Variants in LUZP2 observed in about 807,000 individuals in gnomAD.
LUZP2 encodes leucine zipper protein 2.
Under a neutral mutation model 51.6 loss-of-function variants are expected in LUZP2, and 52 were observed. That is an observed-to-expected ratio of 1.01 (90% CI 0.81 to 1.27). The LOEUF (loss-of-function observed/expected upper bound fraction) is 1.27, where lower values mean the gene tolerates loss of function less well. LUZP2 is among the 50% of genes most tolerant of loss of function. The probability of loss-of-function intolerance (pLI) is 0.00; values close to 1 mark genes in which losing one functional copy is unlikely to be tolerated. For synonymous variants in LUZP2, 154 were observed against 137.3 expected (o/e 1.12, Z -0.85); for missense variants, 436 against 395.4 (o/e 1.10, Z -0.87).
chr11:24,880,814 A>G (rs922066949), intron 5 of LUZP2, among the ~76,000 whole-genome samples: 1 of 151,966 alleles, frequency 6.6e-6, no homozygotes, highest in Non-Finnish European at 1.5e-5. Context: ...GTTTTACCCA[A>G]TGCTAGACAC....
chr11:24,528,469 T>C (rs1850889254), intron 1 of LUZP2, among the ~76,000 whole-genome samples: 1 of 151,372 alleles, frequency 6.6e-6, no homozygotes, highest in African/African-American at 2.4e-5. Context: ...CTTTTTAAAA[T>C]GGTGATTCTC....
At position 25,050,135 on chromosome 11, in the gene LUZP2, GA is replaced by G; in HGVS notation, c.858+10del. 6.4e-7 allele frequency: 1 copy of G among 1,571,702 alleles called. No individual in the cohort carries two copies. Among genetic ancestry groups the G allele is most frequent in the South Asian group, 1.2e-5 (1 of 86,066 alleles). Reference sequence around the variant, plus strand: ...ACTGCCTGTGACTCTCAAGATGTAAGAAAAACTTAAGATGCTTTTTACAGTA... The same window carrying G: ...ACTGCCTGTGACTCTCAAGATGTAAGAAAACTTAAGATGCTTTTTACAGTA... On this transcript the variant is annotated splice_donor_region_variant and intron_variant, in intron 10 of 11. Coordinates refer to ENST00000336930, the MANE Select transcript of LUZP2 (RefSeq NM_001009909.4).
intron 4 of LUZP2, among the ~76,000 whole-genome samples, chr11:24,745,278 T>C (rs1859336136): frequency 6.6e-6 from 1 of 152,194 alleles, no homozygotes; most frequent in Non-Finnish European, 1.5e-5. Context: ...CGTTCTGTCT[T>C]GACCTTTCTA....
intron 7 of LUZP2, among the ~76,000 whole-genome samples, chr11:24,953,228 G>A (rs2133866358): frequency 6.6e-6 from 1 of 152,038 alleles, no homozygotes; most frequent in East Asian, 1.9e-4. Context: ...TAAGCATCTA[G>A]TGCAGCTGCT....
chr11:24,600,986 CA>C (rs1853615105), intron 1 of LUZP2, among the ~76,000 whole-genome samples: 1 of 152,038 alleles, frequency 6.6e-6, no homozygotes, highest in Non-Finnish European at 1.5e-5. Flanking sequence ...CTAATCAGTT[CA>C]GTTTAAAAGA....
chr11:24,845,634 G>A (rs1237863394), intron 5 of LUZP2, among the ~76,000 whole-genome samples: 4 of 152,070 alleles, frequency 2.6e-5, no homozygotes, highest in Non-Finnish European at 5.9e-5. Context: ...GGAACTCAGT[G>A]GGACATGATT....
chr11:24,871,276 T>G (rs1852062601), intron 5 of LUZP2, among the ~76,000 whole-genome samples: 1 of 152,124 alleles, frequency 6.6e-6, no homozygotes, highest in African/African-American at 2.4e-5. Flanking sequence ...CTTTTGTCAC[T>G]AATGAAGTTG....
chr11:25,016,002 G>C (rs1279637261), intron 9 of LUZP2, among the ~76,000 whole-genome samples: 2 of 150,168 alleles, frequency 1.3e-5, no homozygotes, highest in Non-Finnish European at 3.0e-5. Context: ...CTCACTGCAA[G>C]CTCCACCTCC....
intron 9 of LUZP2, among the ~76,000 whole-genome samples, chr11:25,000,413 C>T (rs1003033947): frequency 6.6e-6 from 1 of 152,094 alleles, no homozygotes; most frequent in African/African-American, 2.4e-5. Flanking sequence ...GAGGGGAACT[C>T]TTCAGGCCAG....
In LUZP2 at chr11:24,573,309, CAG is replaced by C. The variant is rs565506007; in HGVS notation, c.62+76007_62+76008del. On this transcript the variant is annotated intron_variant, in intron 1 of 11. Transcript: ENST00000336930. ...GGATTGCAAAGCCAGTATATTAACT[CAG>C]AGCTTGTACATCACTGTCACCTGGA... Among the ~76,000 whole-genome samples the C allele has an allele frequency of 2.6e-5, 4 of 152,150 alleles. No individual in the cohort carries two copies. In the South Asian group the frequency reaches 8.3e-4, roughly 31 times the overall value.
intron 1 of LUZP2, among the ~76,000 whole-genome samples, chr11:24,646,370 C>G (rs781755812): frequency 6.6e-6 from 1 of 152,036 alleles, no homozygotes; most frequent in Admixed American, 6.6e-5. Flanking sequence ...CAGACAACAA[C>G]GTTTAACACG....
intron 5 of LUZP2, among the ~76,000 whole-genome samples, chr11:24,813,968 A>G (rs1314849936): frequency 6.6e-6 from 1 of 152,210 alleles, no homozygotes; most frequent in East Asian, 1.9e-4. Flanking sequence ...CAACACCTTC[A>G]GTGGCTGTCA....
chr11:24,869,696 G>A (rs186978888), intron 5 of LUZP2, among the ~76,000 whole-genome samples: 19 of 152,180 alleles, frequency 1.2e-4, no homozygotes, highest in Non-Finnish European at 2.8e-4. Context: ...TGTACACAGA[G>A]AAGATGGCAA....
Position 24,611,700 on chromosome 11 carries a change from A to T in LUZP2, c.62+114395A>T, listed in dbSNP as rs141534467. On this transcript the variant is annotated intron_variant, in intron 1 of 11. Transcript: ENST00000336930. The surrounding 1 kb of genome is among the most constrained non-coding windows in gnomAD (Gnocchi z 4.6). ...AGCCCTCCTTCAACACATGTCCTGC[A>T]TATTATTAAGTGCCAGATATTAACT... Among the ~76,000 whole-genome samples the T allele has an allele frequency of 3.2e-4, 48 of 152,290 alleles. No individual in the cohort carries two copies. Among genetic ancestry groups the T allele is most frequent in the African/African-American group, 1.1e-3 (47 of 41,570 alleles).
At chr11:24,878,394 C>T (rs1852345318) in intron 5 of LUZP2, among the ~76,000 whole-genome samples, 1 of 151,928 alleles carries the variant, frequency 6.6e-6, no homozygotes, top group Admixed American at 6.6e-5. Flanking sequence ...TAAGGTTTAC[C>T]CTGAAAAATC....
At chr11:24,915,998 A>G (rs965402836) in intron 7 of LUZP2, among the ~76,000 whole-genome samples, 4 of 151,796 alleles carry the variant, frequency 2.6e-5, no homozygotes, top group Non-Finnish European at 5.9e-5. Flanking sequence ...TTTATTTTTT[A>G]TTTATTTATT....
intron 1 of LUZP2, among the ~76,000 whole-genome samples, chr11:24,613,916 T>C (rs1183255094): frequency 1.3e-5 from 2 of 151,986 alleles, no homozygotes; most frequent in Non-Finnish European, 2.9e-5. Flanking sequence ...ATTTTATCAG[T>C]GAATTTAGAG....
intron 1 of LUZP2, among the ~76,000 whole-genome samples, chr11:24,602,734 C>A (rs568007541): frequency 1.3e-5 from 2 of 151,716 alleles, no homozygotes; most frequent in Admixed American, 1.3e-4. Flanking sequence ...AACTGAAAAG[C>A]ACCTTGGATG....
intron 9 of LUZP2, among the ~76,000 whole-genome samples, chr11:24,996,412 G>T (rs1004279131): frequency 6.6e-6 from 1 of 151,434 alleles, no homozygotes; most frequent in African/African-American, 2.4e-5. Flanking sequence ...TTCACTTCAT[G>T]AATAATTCTT....
Sources: allele counts gnomAD v4.1 joint callset (sites outside exome capture counted in the v4.1 genomes callset), GRCh38; gene constraint gnomAD v4.1.1; non-coding constraint Gnocchi (gnomAD v3.1); transcripts MANE v1.5; gene names NCBI Gene and HGNC (gene_info 2026-07-23, HGNC 2026-07-21).